Variants in IMMP2L observed in about 807,000 individuals in gnomAD.
IMMP2L encodes the protein inner mitochondrial membrane peptidase subunit 2.
Under a neutral mutation model 19.3 loss-of-function variants are expected in IMMP2L, and 18 were observed. The ratio of observed to expected loss-of-function variants is 0.93; its 90% CI spans 0.64 to 1.38. The LOEUF (loss-of-function observed/expected upper bound fraction) is 1.38. Among genes scored for constraint, IMMP2L ranks in the 40% most tolerant of loss-of-function variants. The pLI, the probability that IMMP2L is intolerant of heterozygous loss-of-function variation, is 0.00. For missense variants in IMMP2L, 233 were observed against 218.2 expected (o/e 1.07, Z -0.43); for synonymous variants, 76 against 73.0 (o/e 1.04, Z -0.21).
intron 3 of IMMP2L, among the ~76,000 whole-genome samples, chr7:111,311,319 A>AGAAG (rs886346092): frequency 5.9e-5 from 9 of 152,124 alleles, no homozygotes; most frequent in East Asian, 3.9e-4. Context: ...AAGGAAGGAA[A>AGAAG]GAAGGAAGGA....
intron 2 of IMMP2L, among the ~76,000 whole-genome samples, chr7:111,509,538 CA>C (rs1845252250): frequency 5.3e-5 from 8 of 152,114 alleles, no homozygotes; most frequent in Non-Finnish European, 8.8e-5. Flanking sequence ...AGGTCACAAC[CA>C]ATGAGTGAGT....
At chr7:111,014,380 T>C (rs773670852) in intron 3 of IMMP2L, among the ~76,000 whole-genome samples, 1 of 151,638 alleles carries the variant, frequency 6.6e-6, no homozygotes, top group Non-Finnish European at 1.5e-5. Context: ...TGTGTGTGTA[T>C]ATATATATAC....
At chr7:111,111,299 TAAAAAA>T (rs751990466) in intron 3 of IMMP2L, among the ~76,000 whole-genome samples, 4 of 92,282 alleles carry the variant, frequency 4.3e-5, no homozygotes, top group Non-Finnish European at 6.8e-5. Context: ...GTAGCAGTTG[TAAAAAA>T]AAAAAAAAAA....
intron 3 of IMMP2L, among the ~76,000 whole-genome samples, chr7:111,089,409 T>A (rs901102521): frequency 2.6e-5 from 4 of 151,536 alleles, no homozygotes; most frequent in Non-Finnish European, 5.9e-5. Context: ...AAATAAAAAT[T>A]CTCTTTTTAC....
chr7:110,979,438 A>G (rs534157271), intron 3 of IMMP2L, among the ~76,000 whole-genome samples: 2 of 152,154 alleles, frequency 1.3e-5, no homozygotes, highest in South Asian at 4.1e-4. Context: ...ATTTTTTTAA[A>G]TTAATAGTCT....
At chr7:110,689,897 C>T (rs1286444279) in intron 5 of IMMP2L, among the ~76,000 whole-genome samples, 6 of 152,080 alleles carry the variant, frequency 3.9e-5, no homozygotes, top group South Asian at 4.1e-4. Flanking sequence ...TCTAATTTCT[C>T]GGTTTAGAAC....
At chr7:111,026,284 T>A (rs538423278) in intron 3 of IMMP2L, among the ~76,000 whole-genome samples, 30 of 152,258 alleles carry the variant, frequency 2.0e-4, no homozygotes, top group Admixed American at 3.3e-4. Context: ...ATCCAAGTAG[T>A]TAGAAGTTAA....
chr7:111,256,903 C>G (rs1427705239), intron 3 of IMMP2L, among the ~76,000 whole-genome samples: 1 of 152,040 alleles, frequency 6.6e-6, no homozygotes, highest in Non-Finnish European at 1.5e-5. Flanking sequence ...TAAATAACAT[C>G]TGGGTAGATA....
At chr7:110,867,979 G>C (rs1177574330) in intron 5 of IMMP2L, among the ~76,000 whole-genome samples, 1 of 151,964 alleles carries the variant, frequency 6.6e-6, no homozygotes, top group African/African-American at 2.4e-5. Context: ...TAGGGCTCCA[G>C]ATAAAAGTAA....
intron 2 of IMMP2L, among the ~76,000 whole-genome samples, chr7:111,517,027 A>C (rs1845930349): frequency 1.3e-5 from 2 of 152,150 alleles, no homozygotes; most frequent in Admixed American, 6.6e-5. Flanking sequence ...TTTTCTTAAG[A>C]GTCTGTATCC....
At chr7:110,876,146 G>A (rs765479298) in intron 5 of IMMP2L, among the ~76,000 whole-genome samples, 5 of 151,946 alleles carry the variant, frequency 3.3e-5, no homozygotes, top group South Asian at 2.1e-4. Context: ...ATTTGTGTAC[G>A]TTTTAAATAA....
At chr7:110,665,571 T>C (rs58592948) in intron 5 of IMMP2L, among the ~76,000 whole-genome samples, 4,988 of 152,300 alleles carry the variant, frequency 0.033, 178 homozygotes, top group African/African-American at 0.083. Flanking sequence ...GTGGTCATTA[T>C]TTTGCTTCGG....
At chr7:111,514,337 G>C (rs1172374428) in intron 2 of IMMP2L, among the ~76,000 whole-genome samples, 2 of 151,902 alleles carry the variant, frequency 1.3e-5, no homozygotes, top group Non-Finnish European at 1.5e-5. Context: ...CTTGGACACA[G>C]AATGGGCAAC....
intron 1 of IMMP2L, among the ~76,000 whole-genome samples, chr7:111,549,033 GGGTATA>G (rs1319609995): frequency 6.6e-6 from 1 of 152,084 alleles, no homozygotes; most frequent in Non-Finnish European, 1.5e-5. Context: ...ATATCCCAAA[GGGTATA>G]CCTTTCAGAA....
At chr7:111,033,730 G>C (rs1791060956) in intron 3 of IMMP2L, among the ~76,000 whole-genome samples, 1 of 152,152 alleles carries the variant, frequency 6.6e-6, no homozygotes, top group African/African-American at 2.4e-5. Context: ...TACATACTAT[G>C]TAATTCCAAC....
At chr7:110,668,524 C>T (rs1791613268) in intron 5 of IMMP2L, among the ~76,000 whole-genome samples, 1 of 152,188 alleles carries the variant, frequency 6.6e-6, no homozygotes. Context: ...CTTGGCTGAA[C>T]TCTTGCCAAT....
At chr7:110,734,400 A>G (rs1272396557) in intron 5 of IMMP2L, among the ~76,000 whole-genome samples, 1 of 152,226 alleles carries the variant, frequency 6.6e-6, no homozygotes, top group East Asian at 1.9e-4. Flanking sequence ...TCAAGTAAGA[A>G]CTTAACAGCA....
chr7:111,226,711 T>C (rs1396468570), intron 3 of IMMP2L, among the ~76,000 whole-genome samples: 2 of 152,134 alleles, frequency 1.3e-5, no homozygotes, highest in Non-Finnish European at 2.9e-5. Context: ...AAATTTTAAC[T>C]CTGGCAACAA....
chr7:110,956,034 C>T (rs1818322746), intron 4 of IMMP2L, among the ~76,000 whole-genome samples: 1 of 151,852 alleles, frequency 6.6e-6, no homozygotes. Flanking sequence ...TTGCTGGAAC[C>T]TAATATGATT....
Sources: allele counts gnomAD v4.1 joint callset (sites outside exome capture counted in the v4.1 genomes callset), GRCh38; gene constraint gnomAD v4.1.1; transcripts MANE v1.5; gene names NCBI Gene and HGNC (gene_info 2026-07-23, HGNC 2026-07-21).